The following ANKS1B variants were observed in gnomAD, a reference collection of about 807,000 sequenced individuals.
The protein encoded by ANKS1B is ankyrin repeat and sterile alpha motif domain containing 1B, also known as ankyrin repeat and sterile alpha motif domain-containing protein 1B.
ANKS1B carries 36 observed loss-of-function variants against 148.3 expected under a neutral mutation model. The observed-to-expected ratio is 0.24, with a 90% CI of 0.19 to 0.32. The LOEUF is 0.32. Ranked by LOEUF, ANKS1B falls within the 10% of genes least tolerant of loss-of-function variation. The pLI, the probability that ANKS1B is intolerant of heterozygous loss-of-function variation, is 1.00. For synonymous variants in ANKS1B, 542 were observed against 560.8 expected (o/e 0.97, Z 0.47); for missense variants, 1,157 against 1,542.6 (o/e 0.75, Z 4.19).
At chr12:98,932,795 T>C (rs1022040137) in intron 17 of ANKS1B, among the ~76,000 whole-genome samples, 1 of 152,178 alleles carries the variant, frequency 6.6e-6, no homozygotes, top group Non-Finnish European at 1.5e-5. Context: ...CTTCAGGGTT[T>C]CACAGAATCT....
At chr12:98,736,191 C>T (rs2097772164) in intron 9 of ANKS1B, among the ~76,000 whole-genome samples, 1 of 152,194 alleles carries the variant, frequency 6.6e-6, no homozygotes, top group Admixed American at 6.5e-5. Context: ...TTTAACGAAT[C>T]ACCCAGGCAG....
intron 9 of ANKS1B, among the ~76,000 whole-genome samples, chr12:99,552,645 A>G (rs11109916): frequency 0.014 from 2,132 of 152,352 alleles, 53 homozygotes; most frequent in African/African-American, 0.049. Context: ...AATGATTATC[A>G]AAAATCATAG....
At chr12:99,214,086 A>AT (rs1185938412) in intron 14 of ANKS1B, among the ~76,000 whole-genome samples, 2 of 151,646 alleles carry the variant, frequency 1.3e-5, no homozygotes, top group Non-Finnish European at 1.5e-5. Context: ...TACATTACTT[A>AT]TTTTTTTATG....
intron 8 of ANKS1B, among the ~76,000 whole-genome samples, chr12:99,714,316 G>C (rs1421754549): frequency 1.3e-5 from 2 of 152,158 alleles, no homozygotes; most frequent in Non-Finnish European, 1.5e-5. Flanking sequence ...ATAATCTCAA[G>C]AACATTAACT....
chr12:99,224,647 A>T (rs1408907713), intron 14 of ANKS1B, among the ~76,000 whole-genome samples: 2 of 152,180 alleles, frequency 1.3e-5, no homozygotes, highest in African/African-American at 4.8e-5. Flanking sequence ...ATCATGAGCC[A>T]ATTAAACCTA....
intron 10 of ANKS1B, among the ~76,000 whole-genome samples, chr12:99,465,142 A>G (rs558057361): frequency 9.8e-5 from 15 of 152,346 alleles, no homozygotes; most frequent in Middle Eastern, 3.4e-3. Flanking sequence ...AATATTCAAC[A>G]TTCTTAAAGA....
At chr12:99,333,857 T>TTTTTTTTTTTTTTG (rs1555391385) in intron 12 of ANKS1B, among the ~76,000 whole-genome samples, 58 of 145,864 alleles carry the variant, frequency 4.0e-4, no homozygotes, top group Middle Eastern at 3.5e-3. Flanking sequence ...GTTCTCAGTT[T>TTTTTTTTTTTTTTG]TTTTTTTTTT....
chr12:99,319,260 G>A (rs1293423614), intron 12 of ANKS1B, among the ~76,000 whole-genome samples: 2 of 152,160 alleles, frequency 1.3e-5, no homozygotes, highest in Admixed American at 6.5e-5. Flanking sequence ...TCTGTCTAAT[G>A]TTGACAGTGG....
chr12:99,060,700 C>CACACACACAT (rs1555202206), intron 16 of ANKS1B, among the ~76,000 whole-genome samples: 3 of 50,976 alleles, frequency 5.9e-5, no homozygotes, highest in African/African-American at 1.2e-4. Flanking sequence ...CACACACACA[C>CACACACACAT]ATATATATAG....
intron 11 of ANKS1B, among the ~76,000 whole-genome samples, chr12:99,407,890 G>A (rs1298296398): frequency 6.9e-6 from 1 of 145,878 alleles, no homozygotes; most frequent in Non-Finnish European, 1.5e-5. Flanking sequence ...TTCTGGATTG[G>A]TAGAATAAAC....
At chr12:99,721,177 A>T (rs1279368934) in intron 8 of ANKS1B, among the ~76,000 whole-genome samples, 1 of 151,428 alleles carries the variant, frequency 6.6e-6, no homozygotes, top group Admixed American at 6.6e-5. Flanking sequence ...AATATCTCCC[A>T]CTCTAGGTTC....
chr12:98,887,925 T>C (rs1318819500), intron 17 of ANKS1B, among the ~76,000 whole-genome samples: 1 of 152,218 alleles, frequency 6.6e-6, no homozygotes, highest in Non-Finnish European at 1.5e-5. Flanking sequence ...TTTAATAATT[T>C]TTATTTAAAA....
At chr12:99,112,915 T>A (rs2060590978) in intron 15 of ANKS1B, among the ~76,000 whole-genome samples, 1 of 152,178 alleles carries the variant, frequency 6.6e-6, no homozygotes, top group Admixed American at 6.5e-5. Context: ...TTGCTACAGA[T>A]AATGGGTTAC....
At chr12:99,412,098 T>A (rs1002313048) in intron 11 of ANKS1B, among the ~76,000 whole-genome samples, 2 of 152,204 alleles carry the variant, frequency 1.3e-5, no homozygotes, top group Non-Finnish European at 2.9e-5. Context: ...ATTCCATTTT[T>A]AAAATAGCCT....
intron 12 of ANKS1B, 64 bp downstream of exon 12, chr12:99,399,567 C>T: frequency 6.5e-7 from 1 of 1,547,194 alleles, no homozygotes; most frequent in Non-Finnish European, 8.8e-7. Flanking sequence ...CTCCTAATTC[C>T]TCTAACTCAT....
chr12:99,953,059 A>C (rs2095254689), intron 1 of ANKS1B, among the ~76,000 whole-genome samples: 2 of 152,198 alleles, frequency 1.3e-5, no homozygotes, highest in Non-Finnish European at 2.9e-5. Context: ...TAAAGGTCAG[A>C]ATTAGAGATG....
intron 14 of ANKS1B, among the ~76,000 whole-genome samples, chr12:99,220,349 G>C (rs1444304549): frequency 6.6e-6 from 1 of 151,086 alleles, no homozygotes; most frequent in East Asian, 1.9e-4. Context: ...TGACACATGA[G>C]TAAATATGAA....
chr12:99,546,906 G>A (rs917920835), intron 9 of ANKS1B, among the ~76,000 whole-genome samples: 1 of 152,114 alleles, frequency 6.6e-6, no homozygotes. Context: ...CCAACAACAA[G>A]GAGAACTGAT....
At chr12:99,919,256 G>A (rs1319887589) in intron 1 of ANKS1B, among the ~76,000 whole-genome samples, 1 of 152,054 alleles carries the variant, frequency 6.6e-6, no homozygotes, top group East Asian at 1.9e-4. Context: ...TGTGGCCTAG[G>A]ACAAGTTATT....
Sources: allele counts gnomAD v4.1 joint callset (sites outside exome capture counted in the v4.1 genomes callset), GRCh38; gene constraint gnomAD v4.1.1; transcripts MANE v1.5; gene names NCBI Gene and HGNC (gene_info 2026-07-23, HGNC 2026-07-21).